BCORL1: variants seen among roughly 807,000 people sequenced by gnomAD.
BCORL1 encodes BCL6 corepressor like 1.
A neutral mutation model predicts 87.6 loss-of-function variants in BCORL1; 7 were observed. The observed-to-expected ratio is 0.08, with a 90% confidence interval of 0.05 to 0.15. The LOEUF is 0.15. BCORL1 is among the 10% of genes least tolerant of loss of function. BCORL1 has a pLI of 1.00. For missense variants in BCORL1, 1,215 were observed against 1,499.7 expected (o/e 0.81, Z 3.13); for synonymous variants, 591 against 634.4 (o/e 0.93, Z 1.03).
At chrX:130,052,136 C>A in intron 13 of BCORL1, 120 bp downstream of exon 13, 1 of 735,586 alleles carries the variant, frequency 1.4e-6, no homozygotes, top group Non-Finnish European at 1.9e-6. Flanking sequence ...ATGACAAAGG[C>A]TAGCCTGCCC....
chrX:130,036,408 C>T (rs1930947938), intron 9 of BCORL1, among the ~76,000 whole-genome samples: 1 of 111,344 alleles, frequency 9.0e-6, no homozygotes, highest in African/African-American at 3.3e-5. Context: ...TTACAGGCAC[C>T]TGCCATCACA....
rs1365525554 is a variant in BCORL1 at position 130,013,070 on chromosome X, G to A, written c.298G>A (p.Asp100Asn). 1 of 1,211,007 alleles carries A rather than the reference G, an allele frequency of 8.3e-7. No homozygotes were observed. The highest frequency in any genetic ancestry group is 3.0e-5 in the East Asian group (1 of 33,808). Residue 100 changes from aspartate to asparagine, a missense_variant, in exon 4 of 14, where the codon GAC (aspartate) becomes AAC (asparagine). Transcript: ENST00000540052. ...GCCTGACGATCCCCAGCCAAAAATG[G>A]ACTACGCTGGGAACGTGGCAGAGGC... ...DKPDDPQPKMDYAGNVAEAEG... is the reference protein window; with the variant it reads ...DKPDDPQPKMNYAGNVAEAEG...
chrX:130,001,382 G>T (rs1928037762), intron 1 of BCORL1, among the ~76,000 whole-genome samples: 2 of 112,501 alleles, frequency 1.8e-5, no homozygotes, highest in South Asian at 7.2e-4. Flanking sequence ...AGCCACCGTG[G>T]CTGGCCAAGG....
At chrX:130,001,779 A>G (rs771440882) in intron 1 of BCORL1, among the ~76,000 whole-genome samples, 1 of 110,390 alleles carries the variant, frequency 9.1e-6, no homozygotes, top group Non-Finnish European at 1.9e-5. Flanking sequence ...AGGCCAGGTC[A>G]TGAGGGCCCT....
chrX:130,025,099 A>G lies in BCORL1; in HGVS notation c.3798A>G (p.Arg1266=). Residue 1266 remains arginine (R), a synonymous_variant, in exon 7 of 14, where the codon CGA becomes CGG. Transcript: ENST00000540052. ...EEVTPTPAKR[R]KVRKTQRDTQ... ...TAACCCCCACCCCAGCTAAGCGTCG[A>G]AAGGTGAGAAAGACCCAACGGGACA... 1 of 1,211,895 alleles carries G rather than the reference A, an allele frequency of 8.3e-7. No homozygotes were observed. The highest frequency in any genetic ancestry group is 1.8e-5 in the South Asian group (1 of 56,988).
Position 130,004,300 on chromosome X carries a change from G to T in BCORL1, c.-44-888G>T, listed in dbSNP as rs1411882354. Reference sequence around the variant, plus strand: ...TGCTCTGTGGCCCAGGCTGGAGTGCGCTGGCATGATCTCAGCTCACTGCAA... The same window carrying T: ...TGCTCTGTGGCCCAGGCTGGAGTGCTCTGGCATGATCTCAGCTCACTGCAA... On this transcript the variant is annotated intron_variant, in intron 1 of 13. Coordinates refer to ENST00000540052, the MANE Select transcript of BCORL1 (RefSeq NM_001379451.1). Among the ~76,000 whole-genome samples, 5 of 100,828 alleles carry T rather than the reference G, an allele frequency of 5.0e-5. 1 individual carries two copies. The highest frequency in any genetic ancestry group is 1.5e-4 in the African/African-American group (4 of 26,888). The allele number at this position is 100,828 out of a possible 115,157, so 87.6% of individuals were successfully genotyped here.
At chrX:130,000,896 T>TGTGTGTG (rs1569360173) in intron 1 of BCORL1, among the ~76,000 whole-genome samples, 1,187 of 98,224 alleles carry the variant, frequency 0.012, 14 homozygotes, top group African/African-American at 0.041. Flanking sequence ...GGTGGATGCT[T>TGTGTGTG]TGTGTGTGTG....
At chrX:130,039,498 C>T (rs1395914260) in intron 11 of BCORL1, among the ~76,000 whole-genome samples, 9 of 112,796 alleles carry the variant, frequency 8.0e-5, no homozygotes, top group African/African-American at 2.6e-4. Flanking sequence ...CAAGTGTGTG[C>T]GTCCTCTTCA....
intron 2 of BCORL1, among the ~76,000 whole-genome samples, chrX:130,009,334 G>A (rs888692931): frequency 9.9e-5 from 11 of 110,927 alleles, no homozygotes; most frequent in South Asian, 3.8e-4. Flanking sequence ...GCGTGGTGGC[G>A]CATGCCTGTA....
chrX:129,986,247 A>G (rs1926612685), intron 1 of BCORL1, among the ~76,000 whole-genome samples: 1 of 112,095 alleles, frequency 8.9e-6, no homozygotes, highest in African/African-American at 3.2e-5. Context: ...GAAAAGGCCA[A>G]TAAGGAAGGG....
intron 1 of BCORL1, among the ~76,000 whole-genome samples, chrX:130,004,281 G>A (rs1206814203): frequency 1.1e-5 from 1 of 89,235 alleles, no homozygotes; most frequent in Non-Finnish European, 2.1e-5. Flanking sequence ...GTCTTGCTCT[G>A]TGGCCCAGGC....
chrX:129,988,409 T>C lies in BCORL1; in HGVS notation c.-45+5647T>C, dbSNP rs1926799631. 2.7e-5 allele frequency among the ~76,000 whole-genome samples: 3 copies of C among 110,938 alleles called. No homozygotes were observed. In the South Asian group the frequency reaches 1.1e-3, roughly 42 times the overall value. ...AATATGCTGTTCTAGTTTTCTTTTT[T>C]ATTCTAAGCAGAAGTGACCTTTTCC... is the stretch of plus-strand genomic sequence containing the variant. On this transcript the variant is annotated intron_variant, in intron 1 of 13. Coordinates refer to ENST00000540052, the MANE Select transcript of BCORL1 (RefSeq NM_001379451.1).
intron 7 of BCORL1, among the ~76,000 whole-genome samples, chrX:130,026,350 C>T (rs138725325): frequency 6.9e-4 from 78 of 112,442 alleles, no homozygotes; most frequent in Non-Finnish European, 1.2e-3. Flanking sequence ...ACCTCATTTC[C>T]GGCTCTGTTT....
At chrX:129,998,781 A>C (rs1281380504) in intron 1 of BCORL1, among the ~76,000 whole-genome samples, 1 of 111,370 alleles carries the variant, frequency 9.0e-6, no homozygotes, top group Non-Finnish European at 1.9e-5. Context: ...CATGTAGCTC[A>C]GTGTCAGTGT....
rs747433892 is a variant in BCORL1, at chrX:130,013,402, G to A, written c.630G>A (p.Ser210=). 25 of 1,208,207 alleles carry A rather than the reference G, an allele frequency of 2.1e-5. No homozygotes were observed. Among genetic ancestry groups the A allele is most frequent in the Admixed American group, 6.6e-5 (3 of 45,581 alleles). ...PAPICPPAPG[S]ASVPHSVPDA... ...CTATCTGTCCCCCTGCTCCCGGTTC[G>A]GCCTCTGTGCCCCACTCTGTTCCAG... The change falls in exon 4 of 14, where the codon TCG becomes TCA. Residue 210 remains serine, a synonymous_variant. Transcript: ENST00000540052.
intron 1 of BCORL1, among the ~76,000 whole-genome samples, chrX:129,986,411 C>T (rs1360351947): frequency 9.0e-6 from 1 of 111,596 alleles, no homozygotes; most frequent in African/African-American, 3.3e-5. Context: ...TTTGATTTGC[C>T]AGGAAAGCGT....
At chrX:130,033,819 T>TAA (rs914142007) in intron 8 of BCORL1, among the ~76,000 whole-genome samples, 1 of 110,219 alleles carries the variant, frequency 9.1e-6, no homozygotes, top group African/African-American at 3.3e-5. Flanking sequence ...CCCTCTCTAC[T>TAA]AAAAATGCAA....
chrX:130,002,508 A>G (rs1928131642), intron 1 of BCORL1, among the ~76,000 whole-genome samples: 3 of 89,166 alleles, frequency 3.4e-5, no homozygotes, highest in Non-Finnish European at 6.5e-5. Context: ...AGGGACCGGA[A>G]GAGGGAGACT....
intron 1 of BCORL1, among the ~76,000 whole-genome samples, chrX:129,997,662 C>T (rs1005356614): frequency 3.7e-5 from 4 of 107,952 alleles, no homozygotes; most frequent in Non-Finnish European, 7.7e-5. Context: ...CATGGTGGCC[C>T]ATGCCTGTAA....
Sources: allele counts gnomAD v4.1 joint callset (sites outside exome capture counted in the v4.1 genomes callset), GRCh38; gene constraint gnomAD v4.1.1; transcripts MANE v1.5; gene names NCBI Gene and HGNC (gene_info 2026-07-23, HGNC 2026-07-21).